Variants in ENOX1 observed in about 807,000 individuals in gnomAD.
The protein encoded by ENOX1 is ecto-NOX disulfide-thiol exchanger 1, also known as candidate growth-related and time keeping constitutive hydroquinone (NADH) oxidase.
A neutral mutation model predicts 82.5 loss-of-function variants in ENOX1; 42 were observed. The observed-to-expected ratio is 0.51, with a 90% confidence interval of 0.40 to 0.66. The LOEUF (loss-of-function observed/expected upper bound fraction) is 0.66, where lower values mean the gene tolerates loss of function less well. Among genes scored for constraint, ENOX1 ranks in the 30% least tolerant of loss-of-function variants. The pLI, the probability that ENOX1 is intolerant of heterozygous loss-of-function variation, is 0.00. For missense variants in ENOX1, 608 were observed against 811.6 expected, an observed-to-expected ratio of 0.75 and a Z score of 3.05; for synonymous variants, 271 against 282.2, an observed-to-expected ratio of 0.96 and a Z score of 0.40.
At chr13:43,742,775 A>G (rs1351666555) in intron 1 of ENOX1, among the ~76,000 whole-genome samples, 1 of 152,216 alleles carries the variant, frequency 6.6e-6, no homozygotes, top group African/African-American at 2.4e-5. Context: ...AGTTGAGCTG[A>G]TAGGATCTGC....
intron 3 of ENOX1, among the ~76,000 whole-genome samples, chr13:43,470,714 T>G (rs552012659): frequency 6.6e-6 from 1 of 151,912 alleles, no homozygotes; most frequent in East Asian, 1.9e-4. Flanking sequence ...GGAAAATAAC[T>G]GCAATGAACA....
intron 2 of ENOX1, among the ~76,000 whole-genome samples, chr13:43,536,056 G>A (rs1241980578): frequency 2.6e-5 from 4 of 152,070 alleles, no homozygotes; most frequent in East Asian, 1.9e-4. Flanking sequence ...CACATTCAGC[G>A]GCAGGAAAAA....
At chr13:43,254,448 A>G (rs2043632428) in intron 14 of ENOX1, among the ~76,000 whole-genome samples, 1 of 152,086 alleles carries the variant, frequency 6.6e-6, no homozygotes, top group Non-Finnish European at 1.5e-5. Flanking sequence ...TTCATTATTT[A>G]CCAAGTAGGG....
intron 2 of ENOX1, among the ~76,000 whole-genome samples, chr13:43,579,221 G>C (rs533375413): frequency 6.6e-6 from 1 of 152,288 alleles, no homozygotes; most frequent in East Asian, 1.9e-4. Flanking sequence ...AAGAATGGTG[G>C]CTTAACAAAA....
intron 2 of ENOX1, among the ~76,000 whole-genome samples, chr13:43,658,184 AAT>A (rs1335516763): frequency 1.3e-5 from 2 of 152,238 alleles, no homozygotes; most frequent in East Asian, 1.9e-4. Context: ...AAAATCTGAA[AAT>A]ATGTTATTTG....
intron 1 of ENOX1, among the ~76,000 whole-genome samples, chr13:43,767,288 A>C (rs1278633159): frequency 6.6e-6 from 1 of 152,230 alleles, no homozygotes; most frequent in Non-Finnish European, 1.5e-5. Flanking sequence ...AATGAAACAC[A>C]GATGTCCCCA....
intron 14 of ENOX1, among the ~76,000 whole-genome samples, chr13:43,259,483 T>C (rs2043933170): frequency 6.6e-6 from 1 of 152,184 alleles, no homozygotes; most frequent in South Asian, 2.1e-4. Flanking sequence ...CCTTCTTTTT[T>C]TCTTTGAGAC....
chr13:43,265,064 C>T (rs35337294), intron 14 of ENOX1, among the ~76,000 whole-genome samples: 24,535 of 152,172 alleles, frequency 0.16, 2,465 homozygotes, highest in East Asian at 0.54. Flanking sequence ...ACATGCAATG[C>T]GCAACTGATT....
chr13:43,385,846 T>G (rs765858973), intron 5 of ENOX1, among the ~76,000 whole-genome samples: 7 of 152,220 alleles, frequency 4.6e-5, no homozygotes, highest in Non-Finnish European at 8.8e-5. Flanking sequence ...TGTATTCAAA[T>G]TTTTATAATA....
At chr13:43,370,336 C>T (rs1037595982) in intron 5 of ENOX1, among the ~76,000 whole-genome samples, 6 of 151,942 alleles carry the variant, frequency 3.9e-5, no homozygotes, top group African/African-American at 1.5e-4. Context: ...CACTGCAGTC[C>T]AGCCTGGGCA....
At chr13:43,347,567 C>T (rs2153548141) in intron 8 of ENOX1, among the ~76,000 whole-genome samples, 1 of 152,334 alleles carries the variant, frequency 6.6e-6, no homozygotes, top group East Asian at 1.9e-4. Context: ...GTAACTCCCT[C>T]TGGATGGCTA....
At chr13:43,463,263 T>C (rs568772055) in intron 3 of ENOX1, among the ~76,000 whole-genome samples, 37 of 152,320 alleles carry the variant, frequency 2.4e-4, no homozygotes, top group Admixed American at 5.2e-4. Flanking sequence ...AACCAGGCCC[T>C]TTAATTTCTG....
rs368937262 is a variant in ENOX1 at position 43,658,563 on chromosome 13, C to T, written c.-219+8916G>A. On this transcript the variant is annotated intron_variant, in intron 2 of 16. Transcript: ENST00000690772. ...ATTAATCATTGTTATATTTAATTTGCGTTAGTTTCCTATGTACTTATCATG... is the reference window on the plus strand; with the variant it reads ...ATTAATCATTGTTATATTTAATTTGTGTTAGTTTCCTATGTACTTATCATG... 1.6e-3 allele frequency among the ~76,000 whole-genome samples: 248 copies of T among 152,192 alleles called. 1 individual carries two copies. Among genetic ancestry groups the T allele is most frequent in the African/African-American group, 4.8e-3 (198 of 41,530 alleles).
chr13:43,590,253 G>A (rs764320246), intron 2 of ENOX1, among the ~76,000 whole-genome samples: 1 of 152,002 alleles, frequency 6.6e-6, no homozygotes, highest in Non-Finnish European at 1.5e-5. Flanking sequence ...TTGAAAAAAA[G>A]ATTCAGTGAA....
At chr13:43,425,086 G>GA (rs1488357895) in intron 3 of ENOX1, among the ~76,000 whole-genome samples, 1 of 152,124 alleles carries the variant, frequency 6.6e-6, no homozygotes, top group Non-Finnish European at 1.5e-5. Flanking sequence ...GCAGATTAGG[G>GA]GGCACAGAAA....
chr13:43,295,658 C>T (rs2046245820), intron 12 of ENOX1, among the ~76,000 whole-genome samples: 1 of 152,096 alleles, frequency 6.6e-6, no homozygotes. Flanking sequence ...GAGGCTGACC[C>T]CTCCTCTCTC....
intron 11 of ENOX1, among the ~76,000 whole-genome samples, chr13:43,304,972 C>CG (rs1555312740): frequency 1.3e-5 from 2 of 152,132 alleles, no homozygotes; most frequent in Non-Finnish European, 2.9e-5. Context: ...AACTCCTCTG[C>CG]GTTATGCTGA....
intron 2 of ENOX1, among the ~76,000 whole-genome samples, chr13:43,594,642 G>T (rs996910919): frequency 1.3e-5 from 2 of 152,116 alleles, no homozygotes; most frequent in African/African-American, 4.8e-5. Context: ...CTGGGAAAGA[G>T]GTATTATTAT....
At chr13:43,386,317 A>G (rs1322565724) in intron 5 of ENOX1, among the ~76,000 whole-genome samples, 2 of 152,296 alleles carry the variant, frequency 1.3e-5, no homozygotes, top group African/African-American at 4.8e-5. Flanking sequence ...GATGTATGAA[A>G]TTTCTTTGTA....
Sources: gnomAD v4.1 joint callset for allele counts (sites outside exome capture counted in the v4.1 genomes callset) on GRCh38, gnomAD v4.1.1 for gene constraint, MANE v1.5 for transcripts, NCBI Gene and HGNC (gene_info 2026-07-23, HGNC 2026-07-21) for gene names.